The following MSI2 variants were observed in gnomAD, a reference collection of about 807,000 sequenced individuals.
MSI2 encodes RNA-binding protein Musashi homolog 2.
Under a neutral mutation model 45.6 loss-of-function variants are expected in MSI2, and 17 were observed. That is an observed-to-expected ratio of 0.37 (90% CI 0.26 to 0.56). MSI2 has a LOEUF of 0.56. Among genes scored for constraint, MSI2 ranks in the 20% least tolerant of loss-of-function variants. The pLI is 0.77. For missense variants in MSI2, 293 were observed against 444.2 expected (o/e 0.66, Z 3.06); for synonymous variants, 156 against 158.2 (o/e 0.99, Z 0.11).
chr17:57,389,437 G>C (rs544104492), intron 5 of MSI2, among the ~76,000 whole-genome samples: 1 of 152,114 alleles, frequency 6.6e-6, no homozygotes, highest in African/African-American at 2.4e-5. Context: ...TGCCAGACAG[G>C]CTGCAAAGGC....
intron 6 of MSI2, among the ~76,000 whole-genome samples, chr17:57,493,088 G>A (rs1215531708): frequency 6.6e-6 from 1 of 152,184 alleles, no homozygotes; most frequent in African/African-American, 2.4e-5. Context: ...AATCCAAGGT[G>A]GCTGTCCAGA....
intron 6 of MSI2, among the ~76,000 whole-genome samples, chr17:57,479,628 G>A (rs1267079548): frequency 6.6e-6 from 1 of 152,202 alleles, no homozygotes; most frequent in Non-Finnish European, 1.5e-5. Flanking sequence ...TGGTTCTCAA[G>A]TAAAGCAAAG....
In MSI2 at chr17:57,472,381, G is replaced by A. The variant is rs554609605; in HGVS notation, c.406-57295G>A. Among the ~76,000 whole-genome samples the A allele has an allele frequency of 1.9e-3, 290 of 152,250 alleles. 2 individuals carry two copies. The highest frequency in any genetic ancestry group is 6.9e-3 in the African/African-American group (285 of 41,534). On this transcript the variant is annotated intron_variant, in intron 6 of 13. Coordinates refer to ENST00000284073, the MANE Select transcript of MSI2 (RefSeq NM_138962.4). Reference sequence around the variant, plus strand: ...TCCCTAAGGGCTCTTCTGGGGAGGAGCCCTGCAGATCAGATCCCCTTAGTG... The same window carrying A: ...TCCCTAAGGGCTCTTCTGGGGAGGAACCCTGCAGATCAGATCCCCTTAGTG...
chr17:57,452,310 G>T (rs943562030), intron 6 of MSI2, among the ~76,000 whole-genome samples: 2 of 152,234 alleles, frequency 1.3e-5, no homozygotes, highest in Non-Finnish European at 2.9e-5. Context: ...AGGGGGAGCA[G>T]GTGACCCGCA....
At chr17:57,276,207 G>T (rs1353968217) in intron 5 of MSI2, among the ~76,000 whole-genome samples, 1 of 152,242 alleles carries the variant, frequency 6.6e-6, no homozygotes, top group East Asian at 1.9e-4. Context: ...TTCAGCACAT[G>T]AAAGTGGCAG....
At chr17:57,454,656 C>T (rs1399310178) in intron 6 of MSI2, among the ~76,000 whole-genome samples, 1 of 152,068 alleles carries the variant, frequency 6.6e-6, no homozygotes, top group Non-Finnish European at 1.5e-5. Context: ...AGCATGGTCT[C>T]GATCTCCTGA....
the MSI2 span, among the ~76,000 whole-genome samples, chr17:57,690,226 A>G: frequency 6.6e-6 from 1 of 151,108 alleles, no homozygotes; most frequent in Non-Finnish European, 1.5e-5. Flanking sequence ...TATTTCTCTA[A>G]TGAGTAATGA....
chr17:57,256,709 T>C lies in MSI2; in HGVS notation c.-34T>C. 1 of 668,162 alleles carries C rather than the reference T, an allele frequency of 1.5e-6. No homozygotes were observed. The highest frequency in any genetic ancestry group is 1.9e-6 in the Non-Finnish European group (1 of 538,784). The allele number at this position is 668,162 out of a possible 1,614,324, so 41.4% of individuals were successfully genotyped here. A position where few individuals can be genotyped will look rare whatever the true frequency, so the allele number is the denominator to read the frequency against. On this transcript the variant is annotated 5_prime_UTR_variant, in exon 1 of 14. Coordinates refer to ENST00000284073, the MANE Select transcript of MSI2 (RefSeq NM_138962.4). Reference sequence around the variant, plus strand: ...CCGCTCCGATCGCTGTGGGGCTTGGTTTTTTGGGGGTGGGGGGGCGGGGGG... The same window carrying C: ...CCGCTCCGATCGCTGTGGGGCTTGGCTTTTTGGGGGTGGGGGGGCGGGGGG...
intron 7 of MSI2, among the ~76,000 whole-genome samples, chr17:57,539,244 G>A (rs924933215): frequency 3.3e-5 from 5 of 150,128 alleles, no homozygotes; most frequent in East Asian, 2.0e-4. Flanking sequence ...GTGCAGTGGC[G>A]CAATCTTGGC....
intron 11 of MSI2, among the ~76,000 whole-genome samples, chr17:57,665,555 T>C (rs1378394662): frequency 6.6e-6 from 1 of 152,188 alleles, no homozygotes; most frequent in Admixed American, 6.5e-5. Context: ...GGAAAGTCTT[T>C]TGTGTGGGTC....
chr17:57,389,635 A>G (rs532742751), intron 5 of MSI2, among the ~76,000 whole-genome samples: 1 of 152,306 alleles, frequency 6.6e-6, no homozygotes, highest in East Asian at 1.9e-4. Context: ...AACAGGTTTG[A>G]TGAGAGAGTG....
intron 5 of MSI2, among the ~76,000 whole-genome samples, chr17:57,362,042 A>G (rs1203912162): frequency 6.6e-6 from 1 of 152,206 alleles, no homozygotes; most frequent in Non-Finnish European, 1.5e-5. Context: ...GATTGGGATA[A>G]TTGGCTATTA....
intron 7 of MSI2, among the ~76,000 whole-genome samples, chr17:57,590,760 C>T (rs1598428985): frequency 6.6e-6 from 1 of 152,022 alleles, no homozygotes; most frequent in East Asian, 1.9e-4. Context: ...GGGGCAGGTG[C>T]CACTTTGCTG....
At position 57,418,919 on chromosome 17, in the gene MSI2, CT is replaced by C. The variant is rs775045451; in HGVS notation, c.405+17451del. On this transcript the variant is annotated intron_variant, in intron 6 of 13. Coordinates refer to ENST00000284073, the MANE Select transcript of MSI2 (RefSeq NM_138962.4). ...ACACTTGGAAATTTTTATATAAAAC[CT>C]TTATTGAAAATTCAGTTAAACATTC... Among the ~76,000 whole-genome samples, 53 of 152,202 alleles carry C rather than the reference CT, an allele frequency of 3.5e-4. 1 individual carries two copies. Among genetic ancestry groups the C allele is most frequent in the South Asian group, 1.5e-3 (7 of 4,822 alleles).
At chr17:57,403,894 G>A (rs1359748349) in intron 6 of MSI2, among the ~76,000 whole-genome samples, 1 of 151,242 alleles carries the variant, frequency 6.6e-6, no homozygotes, top group African/African-American at 2.4e-5. Flanking sequence ...TCTCCCCTTC[G>A]GTACTTTATA....
chr17:57,345,176 G>T (rs1474159273), intron 5 of MSI2, among the ~76,000 whole-genome samples: 2 of 152,198 alleles, frequency 1.3e-5, no homozygotes, highest in Non-Finnish European at 2.9e-5. Context: ...TCAACCGTGT[G>T]TTCCTCAGTC....
At chr17:57,675,267 G>A (rs1913145562) in intron 12 of MSI2, 141 bp downstream of exon 12, 6 of 826,922 alleles carry the variant, frequency 7.3e-6, no homozygotes, top group Non-Finnish European at 1.1e-5. Context: ...CAGCTCCTGA[G>A]GGCTGAAGCC....
At chr17:57,256,860 G>A in intron 1 of MSI2, 56 bp downstream of exon 1, 1 of 1,318,842 alleles carries the variant, frequency 7.6e-7, no homozygotes, top group Non-Finnish European at 1.0e-6. Flanking sequence ...CCTTGCAGCG[G>A]CGGGGACGGC....
chr17:57,285,779 T>C, intron 5 of MSI2: 1 of 1,263,286 alleles, frequency 7.9e-7, no homozygotes. Flanking sequence ...GCAAGCATCA[T>C]TATATTTTTA....
Sources: allele counts gnomAD v4.1 joint callset (sites outside exome capture counted in the v4.1 genomes callset), GRCh38; gene constraint gnomAD v4.1.1; transcripts MANE v1.5; gene names NCBI Gene and HGNC (gene_info 2026-07-23, HGNC 2026-07-21).